SLCO4C1: variants seen among roughly 807,000 people sequenced by gnomAD.
SLCO4C1 encodes the protein solute carrier organic anion transporter family member 4C1.
SLCO4C1 carries 58 observed loss-of-function variants against 72.1 expected under a neutral mutation model. That is an observed-to-expected ratio of 0.80 (90% CI 0.65 to 1.00). The LOEUF (loss-of-function observed/expected upper bound fraction) is 1.00. Among genes scored for constraint, SLCO4C1 ranks in the 50% least tolerant of loss-of-function variants. The pLI is 0.00. For synonymous variants in SLCO4C1, 297 were observed against 312.5 expected, an observed-to-expected ratio of 0.95 and a Z score of 0.52; for missense variants, 898 against 857.9, an observed-to-expected ratio of 1.05 and a Z score of -0.58.
At chr5:102,288,929 C>A (rs1014134013) in intron 2 of SLCO4C1, among the ~76,000 whole-genome samples, 1 of 152,152 alleles carries the variant, frequency 6.6e-6, no homozygotes, top group African/African-American at 2.4e-5. Context: ...TTTCTTCCCA[C>A]TAGTACATAA....
chr5:102,286,067 C>G (rs1749446237), intron 2 of SLCO4C1, among the ~76,000 whole-genome samples: 1 of 152,022 alleles, frequency 6.6e-6, no homozygotes, highest in Non-Finnish European at 1.5e-5. Flanking sequence ...AATCATTTTC[C>G]TAGCACAGCT....
Position 102,236,777 on chromosome 5 carries a change from G to T in SLCO4C1, c.*81C>A. The T allele has an allele frequency of 7.4e-7, 1 of 1,359,706 alleles. No individual in the cohort carries two copies. The highest frequency in any genetic ancestry group is 1.0e-6 in the Non-Finnish European group (1 of 975,114). 84.2% of individuals were successfully genotyped at this position (1,359,706 alleles called of 1,614,324 possible). ...TAAATATGATTGTCCATATTGGATA[G>T]ATAATCCTGCCATGGCAATGTGTGT... is the stretch of plus-strand genomic sequence containing the variant. On this transcript the variant is annotated 3_prime_UTR_variant, in exon 13 of 13. Coordinates refer to ENST00000310954, the MANE Select transcript of SLCO4C1 (RefSeq NM_180991.5).
chr5:102,253,133 A>G (rs1359843460), intron 8 of SLCO4C1, among the ~76,000 whole-genome samples: 2 of 152,168 alleles, frequency 1.3e-5, no homozygotes, highest in Non-Finnish European at 1.5e-5. Context: ...TGTATACACT[A>G]TGGTATTTCT....
chr5:102,242,501 C>T (rs1351466339), intron 10 of SLCO4C1, among the ~76,000 whole-genome samples: 2 of 152,232 alleles, frequency 1.3e-5, no homozygotes, highest in African/African-American at 2.4e-5. Context: ...TCTAGGATAC[C>T]AACTCAGCTA....
intron 12 of SLCO4C1, among the ~76,000 whole-genome samples, chr5:102,237,491 A>T (rs1748459765): frequency 6.6e-6 from 1 of 152,036 alleles, no homozygotes; most frequent in African/African-American, 2.4e-5. Flanking sequence ...TACAGCCTGC[A>T]GTCCCAGCTA....
At position 102,263,753 on chromosome 5, in the gene SLCO4C1, C is replaced by T; in HGVS notation, c.830G>A (p.Gly277Asp). The change falls in exon 4 of 13, where the codon GGC becomes GAC. Residue 277 changes from glycine to aspartate, a missense_variant. Transcript: ENST00000310954. ...TCCCAATACATAGCCAATAGCAGGG[C>T]CTAAGATTGACATAGCATAACCGGT... ...IGTGYAMSIL[G>D]PAIGYVLGGQ... 1 of 1,612,644 alleles carries T rather than the reference C, an allele frequency of 6.2e-7. No individual in the cohort carries two copies. Among genetic ancestry groups the T allele is most frequent in the Non-Finnish European group, 8.5e-7 (1 of 1,179,086 alleles).
At chr5:102,285,993 A>G (rs1311803221) in intron 2 of SLCO4C1, among the ~76,000 whole-genome samples, 1 of 152,098 alleles carries the variant, frequency 6.6e-6, no homozygotes, top group African/African-American at 2.4e-5. Flanking sequence ...TTAAAGAAAA[A>G]AGTATTCTAA....
chr5:102,237,103 C>G, intron 12 of SLCO4C1, 85 bp from the exon 13 acceptor site: 1 of 1,303,318 alleles, frequency 7.7e-7, no homozygotes, highest in Non-Finnish European at 1.0e-6. Context: ...ATGAATAGAA[C>G]ATTTTTAAAG....
intron 1 of SLCO4C1, 47 bp downstream of exon 1, chr5:102,295,861 A>C: frequency 6.5e-7 from 1 of 1,540,976 alleles, no homozygotes; most frequent in Non-Finnish European, 8.8e-7. Context: ...CGCCGTGCCC[A>C]CCTCGCTCTC....
At chr5:102,258,250 A>T (rs1267679276) in intron 6 of SLCO4C1, among the ~76,000 whole-genome samples, 163 bp from the exon 7 acceptor site, 1 of 152,218 alleles carries the variant, frequency 6.6e-6, no homozygotes, top group Non-Finnish European at 1.5e-5. Context: ...TAATAGAATT[A>T]CACATACATG....
intron 9 of SLCO4C1, among the ~76,000 whole-genome samples, chr5:102,248,295 A>G (rs948424757): frequency 6.6e-6 from 1 of 152,112 alleles, no homozygotes; most frequent in African/African-American, 2.4e-5. Flanking sequence ...CATAAGAAAA[A>G]TATTGTGGAT....
intron 3 of SLCO4C1, among the ~76,000 whole-genome samples, chr5:102,268,714 C>T (rs79969652): frequency 0.011 from 1,705 of 152,076 alleles, 16 homozygotes; most frequent in Non-Finnish European, 0.019. Context: ...CATTTGATTC[C>T]TTTCTTTTTC....
chr5:102,243,044 G>T (rs1307930567), intron 10 of SLCO4C1, among the ~76,000 whole-genome samples: 1 of 152,166 alleles, frequency 6.6e-6, no homozygotes, highest in African/African-American at 2.4e-5. Flanking sequence ...GGCCATAAAG[G>T]AACATTGGTG....
intron 2 of SLCO4C1, among the ~76,000 whole-genome samples, chr5:102,277,302 G>A (rs925574490): frequency 2.0e-5 from 3 of 151,960 alleles, no homozygotes; most frequent in African/African-American, 7.3e-5. Flanking sequence ...TGGTGTCAGA[G>A]AAGGATGAGA....
chr5:102,252,300 A>C (rs1488000793), intron 8 of SLCO4C1, among the ~76,000 whole-genome samples: 1 of 152,180 alleles, frequency 6.6e-6, no homozygotes, highest in African/African-American at 2.4e-5. Flanking sequence ...GGCGGAGAAC[A>C]AGAAAGTCAT....
rs1748426577 is a variant in SLCO4C1 at position 102,235,996 on chromosome 5, G to C, written c.*862C>G. On this transcript the variant is annotated 3_prime_UTR_variant, in exon 13 of 13. Transcript: ENST00000310954. ...TGTTAAGTGGTTGGCTTTTCAAATA[G>C]GAAAAATTAAAGGTATATAAGTATT... is the stretch of plus-strand genomic sequence containing the variant. The C allele has an allele frequency of 6.6e-6, 1 of 152,104 alleles. No homozygotes were observed. Among genetic ancestry groups the C allele is most frequent in the African/African-American group, 2.4e-5 (1 of 41,420 alleles). 9.4% of individuals were successfully genotyped at this position (152,104 alleles called of 1,614,324 possible).
At chr5:102,237,094 T>C (rs1748451362) in intron 12 of SLCO4C1, 76 bp from the exon 13 acceptor site, 1 of 1,354,064 alleles carries the variant, frequency 7.4e-7, no homozygotes, top group Non-Finnish European at 9.8e-7. Flanking sequence ...AAAATCTTCA[T>C]GAATAGAACA....
intron 8 of SLCO4C1, 49 bp downstream of exon 8, chr5:102,257,066 T>C: frequency 7.6e-7 from 1 of 1,311,028 alleles, no homozygotes; most frequent in Non-Finnish European, 1.0e-6. Flanking sequence ...TGGAAATGCT[T>C]AGTCTATTAT....
At chr5:102,279,316 T>C (rs955325931) in intron 2 of SLCO4C1, among the ~76,000 whole-genome samples, 19 of 152,050 alleles carry the variant, frequency 1.2e-4, no homozygotes, top group African/African-American at 4.3e-4. Flanking sequence ...GGTGCAGAAG[T>C]AACTGCAGTT....
Sources: gnomAD v4.1 joint callset for allele counts (sites outside exome capture counted in the v4.1 genomes callset) on GRCh38, gnomAD v4.1.1 for gene constraint, MANE v1.5 for transcripts, NCBI Gene and HGNC (gene_info 2026-07-23, HGNC 2026-07-21) for gene names.